ROBO2: variants seen among roughly 807,000 people sequenced by gnomAD.
ROBO2 encodes the protein roundabout homolog 2.
A neutral mutation model predicts 160.8 loss-of-function variants in ROBO2; 53 were observed. The ratio of observed to expected loss-of-function variants is 0.33; its 90% CI spans 0.26 to 0.41. ROBO2 has a LOEUF of 0.41. Among genes scored for constraint, ROBO2 ranks in the 10% least tolerant of loss-of-function variants. The pLI is 1.00. For synonymous variants in ROBO2, 664 were observed against 611.7 expected, an observed-to-expected ratio of 1.09 and a Z score of -1.26; for missense variants, 1,577 against 1,722.4, an observed-to-expected ratio of 0.92 and a Z score of 1.49.
intron 1 of ROBO2, among the ~76,000 whole-genome samples, chr3:75,912,747 G>A (rs914541877): frequency 3.3e-5 from 5 of 152,128 alleles, no homozygotes; most frequent in Admixed American, 6.5e-5. Context: ...ATATTGATTG[G>A]ATGATAGTGA....
chr3:77,581,583 T>C (rs1050989566), intron 16 of ROBO2, among the ~76,000 whole-genome samples: 3 of 152,112 alleles, frequency 2.0e-5, no homozygotes, highest in African/African-American at 7.2e-5. Flanking sequence ...CAGATATCTT[T>C]TTGTTTCTGA....
At chr3:77,056,259 T>G (rs1034466026) in intron 1 of ROBO2, among the ~76,000 whole-genome samples, 1 of 152,188 alleles carries the variant, frequency 6.6e-6, no homozygotes, top group East Asian at 1.9e-4. Flanking sequence ...CATCCTTTCT[T>G]GATCCATTTG....
chr3:77,073,625 TG>T (rs2067642319), intron 1 of ROBO2, among the ~76,000 whole-genome samples: 1 of 152,228 alleles, frequency 6.6e-6, no homozygotes, highest in South Asian at 2.1e-4. Context: ...TCCACTTTCC[TG>T]GAACTGGAAC....
At chr3:77,209,735 G>A (rs1023002179) in intron 2 of ROBO2, among the ~76,000 whole-genome samples, 3 of 152,176 alleles carry the variant, frequency 2.0e-5, no homozygotes, top group Non-Finnish European at 2.9e-5. Flanking sequence ...TTAGAGGATT[G>A]AAGTAGATAG....
intron 2 of ROBO2, among the ~76,000 whole-genome samples, chr3:76,449,677 G>T (rs942446595): frequency 5.3e-4 from 80 of 152,140 alleles, no homozygotes; most frequent in African/African-American, 1.7e-3. Flanking sequence ...TAAGTGTTTT[G>T]CATTATCTAT....
At chr3:76,135,602 G>A (rs9858304) in intron 2 of ROBO2, among the ~76,000 whole-genome samples, 1,637 of 152,168 alleles carry the variant, frequency 0.011, 28 homozygotes, top group African/African-American at 0.037. Context: ...TACCCTAGAG[G>A]AATCGGCCCA....
intron 2 of ROBO2, among the ~76,000 whole-genome samples, chr3:77,424,444 A>C (rs1023042707): frequency 6.6e-6 from 1 of 152,180 alleles, no homozygotes; most frequent in Non-Finnish European, 1.5e-5. Context: ...TCTTATTTTG[A>C]TATAAGATAC....
intron 2 of ROBO2, among the ~76,000 whole-genome samples, chr3:76,725,296 T>A (rs916525618): frequency 6.6e-6 from 1 of 152,170 alleles, no homozygotes; most frequent in African/African-American, 2.4e-5. Flanking sequence ...ATTTAATACA[T>A]CTCTCTCTAA....
At chr3:76,879,888 G>A (rs2073162242) in intron 2 of ROBO2, among the ~76,000 whole-genome samples, 1 of 152,152 alleles carries the variant, frequency 6.6e-6, no homozygotes, top group South Asian at 2.1e-4. Flanking sequence ...AGTGTAATAT[G>A]ATGTCTTTCA....
intron 4 of ROBO2, among the ~76,000 whole-genome samples, chr3:77,490,375 C>T (rs375113997): frequency 1.3e-5 from 2 of 152,102 alleles, no homozygotes; most frequent in Non-Finnish European, 1.5e-5. Flanking sequence ...CAGGCGTGAG[C>T]CACCACGCCC....
At chr3:76,978,989 C>T (rs75493108) in intron 2 of ROBO2, among the ~76,000 whole-genome samples, 116 of 151,312 alleles carry the variant, frequency 7.7e-4, no homozygotes, top group Middle Eastern at 6.9e-3. Flanking sequence ...GTTGCCAAAG[C>T]TGGAGTGCAA....
intron 23 of ROBO2, among the ~76,000 whole-genome samples, chr3:77,627,031 G>A (rs1440997815): frequency 6.6e-6 from 1 of 152,106 alleles, no homozygotes; most frequent in Non-Finnish European, 1.5e-5. Context: ...AATAAGTTTA[G>A]TATTAGGGAA....
At chr3:76,435,064 A>G in intron 2 of ROBO2, 1 of 1,112,744 alleles carries the variant, frequency 9.0e-7, no homozygotes, top group South Asian at 1.2e-5. Flanking sequence ...TACATATACA[A>G]GTGTGTCAAC....
At chr3:76,698,581 T>G (rs944190211) in intron 2 of ROBO2, among the ~76,000 whole-genome samples, 4 of 152,046 alleles carry the variant, frequency 2.6e-5, no homozygotes, top group African/African-American at 9.7e-5. Context: ...TAATAGGAAT[T>G]TTTCCTCAAA....
chr3:76,358,651 C>A (rs953025505), intron 2 of ROBO2, among the ~76,000 whole-genome samples: 1 of 151,864 alleles, frequency 6.6e-6, no homozygotes, highest in African/African-American at 2.4e-5. Context: ...GAATTGACAA[C>A]GAGTAATTAC....
intron 2 of ROBO2, among the ~76,000 whole-genome samples, chr3:76,872,175 C>A (rs1452119637): frequency 2.0e-5 from 3 of 151,980 alleles, no homozygotes; most frequent in South Asian, 4.1e-4. Context: ...TAAACTCTGC[C>A]CAATGAAAGT....
intron 2 of ROBO2, among the ~76,000 whole-genome samples, chr3:76,546,685 G>C (rs1182043907): frequency 6.6e-6 from 1 of 151,884 alleles, no homozygotes; most frequent in Non-Finnish European, 1.5e-5. Context: ...ATTTATTACA[G>C]TAGCCATAGG....
chr3:76,500,937 G>A (rs1413382136), intron 2 of ROBO2, among the ~76,000 whole-genome samples: 1 of 151,786 alleles, frequency 6.6e-6, no homozygotes, highest in African/African-American at 2.4e-5. Context: ...CATGTCCTGT[G>A]TACAGCAGCT....
chr3:75,969,507 G>C (rs1426243640), intron 2 of ROBO2, among the ~76,000 whole-genome samples: 2 of 151,634 alleles, frequency 1.3e-5, no homozygotes, highest in East Asian at 3.9e-4. Context: ...TCCCAAAATG[G>C]CTGTCTCAGT....
Sources: allele counts gnomAD v4.1 joint callset (sites outside exome capture counted in the v4.1 genomes callset), GRCh38; gene constraint gnomAD v4.1.1; transcripts MANE v1.5; gene names NCBI Gene and HGNC (gene_info 2026-07-23, HGNC 2026-07-21).